CFAP20DC: variants seen among roughly 807,000 people sequenced by gnomAD.
The protein encoded by CFAP20DC is CFAP20 domain containing, also known as protein CFAP20DC.
CFAP20DC carries 84 observed loss-of-function variants against 101.7 expected under a neutral mutation model. That is an observed-to-expected ratio of 0.83 (90% confidence interval 0.69 to 0.99). The LOEUF (loss-of-function observed/expected upper bound fraction) is 0.99, where lower values mean the gene tolerates loss of function less well. Among genes scored for constraint, CFAP20DC ranks in the 50% least tolerant of loss-of-function variants. CFAP20DC has a pLI of 0.00. For synonymous variants in CFAP20DC, 359 were observed against 351.2 expected, an observed-to-expected ratio of 1.02 and a Z score of -0.25; for missense variants, 1,007 against 970.3, an observed-to-expected ratio of 1.04 and a Z score of -0.50.
chr3:58,841,747 T>A (rs2077126773), intron 13 of CFAP20DC, among the ~76,000 whole-genome samples: 1 of 152,222 alleles, frequency 6.6e-6, no homozygotes, highest in African/African-American at 2.4e-5. Context: ...AAGTCATGTC[T>A]CTTTCTTTTC....
Position 58,971,103 on chromosome 3 carries a change from T to C in CFAP20DC, c.279-33341A>G, listed in dbSNP as rs1321794775. Among the ~76,000 whole-genome samples the C allele has an allele frequency of 2.0e-5, 3 of 152,308 alleles. No individual in the cohort carries two copies. The East Asian group carries it at 5.8e-4, about 29-fold the overall frequency. Reference sequence around the variant, plus strand: ...AGGAGATATCAAGCACTGTAACCTTTTGTTAATACACAGATGTAGGACATT... The same window carrying C: ...AGGAGATATCAAGCACTGTAACCTTCTGTTAATACACAGATGTAGGACATT... On this transcript the variant is annotated intron_variant, in intron 4 of 16. Coordinates refer to ENST00000482387, the MANE Select transcript of CFAP20DC (RefSeq NM_001394063.1). This position sits in a 1 kb window ranked among gnomAD's most constrained non-coding sequence, Gnocchi z 4.1.
intron 4 of CFAP20DC, among the ~76,000 whole-genome samples, chr3:58,941,921 A>T (rs983035955): frequency 6.6e-6 from 1 of 152,182 alleles, no homozygotes; most frequent in Non-Finnish European, 1.5e-5. Context: ...AATAGAAATC[A>T]TTACAATATA....
chr3:58,867,433 C>A (rs997118), intron 10 of CFAP20DC, among the ~76,000 whole-genome samples: 15,302 of 152,106 alleles, frequency 0.1, 1,297 homozygotes, highest in East Asian at 0.35. Flanking sequence ...AAACAACAAT[C>A]TGAAAAGAGC....
chr3:58,819,389 C>T (rs1404288942), intron 14 of CFAP20DC, among the ~76,000 whole-genome samples: 4 of 151,886 alleles, frequency 2.6e-5, no homozygotes, highest in Non-Finnish European at 5.9e-5. Context: ...ATTGATAGAC[C>T]TCCAGCAAGA....
chr3:58,873,016 C>T (rs1000616163), intron 7 of CFAP20DC, among the ~76,000 whole-genome samples: 1 of 149,980 alleles, frequency 6.7e-6, no homozygotes, highest in South Asian at 2.2e-4. Flanking sequence ...GATAGCTGTG[C>T]TGGATGCTGT....
Position 58,802,364 on chromosome 3 carries a change from GT to G in CFAP20DC, c.2237+4030del, listed in dbSNP as rs544733027. Among the ~76,000 whole-genome samples the G allele has an allele frequency of 1.9e-4, 29 of 152,310 alleles. No homozygotes were observed. The South Asian group carries it at 6.0e-3, about 32-fold the overall frequency. On this transcript the variant is annotated intron_variant, in intron 15 of 16. Transcript: ENST00000482387. ...CTCAACATGAATGAACTGTGAAATT[GT>G]TTCCTCCTACCCCACACTTCTCTAC...
intron 14 of CFAP20DC, among the ~76,000 whole-genome samples, chr3:58,815,471 C>A (rs1432342352): frequency 6.0e-5 from 9 of 149,322 alleles, no homozygotes; most frequent in East Asian, 2.0e-4. Context: ...GTCTAAAACA[C>A]CAAAAGCAAT....
intron 8 of CFAP20DC, 102 bp downstream of exon 8, chr3:58,870,071 G>GTCTA (rs2080018684): frequency 9.5e-7 from 1 of 1,053,802 alleles, no homozygotes; most frequent in African/African-American, 1.6e-5. Context: ...CTGTCTGTCT[G>GTCTA]TCTGTCTGTC....
At chr3:58,811,518 C>A (rs1456976895) in intron 14 of CFAP20DC, among the ~76,000 whole-genome samples, 1 of 152,112 alleles carries the variant, frequency 6.6e-6, no homozygotes, top group Non-Finnish European at 1.5e-5. Flanking sequence ...AAAGTTGAAA[C>A]TGGATTCCTT....
At position 58,874,563 on chromosome 3, in the gene CFAP20DC, A is replaced by C. The variant is rs2080571565; in HGVS notation, c.716-4254T>G. Among the ~76,000 whole-genome samples, 1 of 152,120 alleles carries C rather than the reference A, an allele frequency of 6.6e-6. No individual in the cohort carries two copies. The highest frequency in any genetic ancestry group is 3.4e-3 in the Middle Eastern group (1 of 294). On this transcript the variant is annotated intron_variant, in intron 7 of 16. Coordinates refer to ENST00000482387, the MANE Select transcript of CFAP20DC (RefSeq NM_001394063.1). This position sits in a 1 kb window ranked among gnomAD's most constrained non-coding sequence, Gnocchi z 5.1. ...CTCTCGTTTTCTGCCCTCTCGGTAG[A>C]CGGGCCTTCTCAGTTCTTCCTGCCT...
chr3:58,993,424 T>C (rs887412594), intron 4 of CFAP20DC, among the ~76,000 whole-genome samples: 4 of 152,170 alleles, frequency 2.6e-5, no homozygotes, highest in African/African-American at 9.7e-5. Flanking sequence ...AATTTCTTTT[T>C]TTTTTATTTC....
chr3:58,822,701 A>G (rs1479150928), intron 14 of CFAP20DC, among the ~76,000 whole-genome samples: 1 of 152,194 alleles, frequency 6.6e-6, no homozygotes, highest in Non-Finnish European at 1.5e-5. Flanking sequence ...AAAACTGCTG[A>G]CACGAACACA....
chr3:58,763,422 T>A (rs1249496281), intron 15 of CFAP20DC, among the ~76,000 whole-genome samples: 1 of 152,208 alleles, frequency 6.6e-6, no homozygotes, highest in Admixed American at 6.5e-5. Flanking sequence ...CATTGGTTAT[T>A]CTAGTTAGCC....
intron 15 of CFAP20DC, among the ~76,000 whole-genome samples, chr3:58,780,429 A>G (rs2071720448): frequency 6.6e-6 from 1 of 152,090 alleles, no homozygotes; most frequent in Admixed American, 6.5e-5. Context: ...AACAGAAATA[A>G]GCCCACATGT....
intron 15 of CFAP20DC, among the ~76,000 whole-genome samples, chr3:58,790,605 G>C (rs2072767842): frequency 6.6e-6 from 1 of 152,164 alleles, no homozygotes; most frequent in Non-Finnish European, 1.5e-5. Flanking sequence ...AATAGTCCAG[G>C]AGAAAGATGG....
At chr3:58,901,013 C>T (rs556315942) in intron 6 of CFAP20DC, among the ~76,000 whole-genome samples, 5 of 152,156 alleles carry the variant, frequency 3.3e-5, no homozygotes, top group Non-Finnish European at 7.4e-5. Context: ...TTTTGGTATA[C>T]GTCTCCTTCT....
At chr3:58,771,742 A>C (rs2070867052) in intron 15 of CFAP20DC, among the ~76,000 whole-genome samples, 1 of 152,108 alleles carries the variant, frequency 6.6e-6, no homozygotes, top group Non-Finnish European at 1.5e-5. Context: ...AATCTTACTA[A>C]AACAATCCCT....
intron 15 of CFAP20DC, among the ~76,000 whole-genome samples, chr3:58,765,853 G>A (rs971149342): frequency 6.6e-6 from 1 of 152,168 alleles, no homozygotes. Context: ...TTTATGGCCA[G>A]AGAACAGACT....
chr3:58,814,717 A>G (rs795411), intron 14 of CFAP20DC, among the ~76,000 whole-genome samples: 1 of 150,738 alleles, frequency 6.6e-6, no homozygotes, highest in Non-Finnish European at 1.5e-5. Flanking sequence ...CCAACAACAG[A>G]CAAACAGAGA....
Sources: allele counts gnomAD v4.1 joint callset (sites outside exome capture counted in the v4.1 genomes callset), GRCh38; gene constraint gnomAD v4.1.1; non-coding constraint Gnocchi (gnomAD v3.1); transcripts MANE v1.5; gene names NCBI Gene and HGNC (gene_info 2026-07-23, HGNC 2026-07-21).